The following METTL9 variants were observed in gnomAD, a reference collection of about 807,000 sequenced individuals.
The protein encoded by METTL9 is methyltransferase 9, His-X-His N1(pi)-histidine.
A neutral mutation model predicts 36.0 loss-of-function variants in METTL9; 10 were observed. That is an observed-to-expected ratio of 0.28 (90% CI 0.17 to 0.47). The LOEUF is 0.47. METTL9 is among the 20% of genes least tolerant of loss of function. The pLI is 0.99. For missense variants in METTL9, 246 were observed against 383.5 expected (o/e 0.64, Z 3.00); for synonymous variants, 175 against 149.7 (o/e 1.17, Z -1.23).
chr16:21,636,772 G>A (rs1051094098), intron 4 of METTL9, among the ~76,000 whole-genome samples: 4 of 152,140 alleles, frequency 2.6e-5, no homozygotes, highest in Admixed American at 1.3e-4. Context: ...TCTTTAGCCC[G>A]GTGGCTGCGC....
intron 3 of METTL9, among the ~76,000 whole-genome samples, chr16:21,621,232 T>TG (rs1468168531): frequency 6.6e-6 from 1 of 152,042 alleles, no homozygotes; most frequent in African/African-American, 2.4e-5. Context: ...AGGCCAGTCT[T>TG]GAACTCCTGG....
rs571692222 is a variant in METTL9 at position 21,621,149 on chromosome 16, A to T, written c.566+3075A>T. Among the ~76,000 whole-genome samples, 83 of 144,712 alleles carry T rather than the reference A, an allele frequency of 5.7e-4. 1 individual carries two copies. Among genetic ancestry groups the T allele is most frequent in the South Asian group, 5.1e-3 (23 of 4,480 alleles). The allele number at this position is 144,712 out of a possible 152,430, so 94.9% of individuals were successfully genotyped here. On this transcript the variant is annotated intron_variant, in intron 3 of 4. Transcript: ENST00000358154. ...CATATCTGGCTAATTTGAGAGAGAG[A>T]GTGTGTGTGTGTGTGTGTGTGTGTG...
chr16:21,629,913 G>T (rs1965907971), intron 4 of METTL9, among the ~76,000 whole-genome samples: 1 of 152,150 alleles, frequency 6.6e-6, no homozygotes, highest in Non-Finnish European at 1.5e-5. Flanking sequence ...GACACAGAGT[G>T]CTGATTGGTG....
intron 4 of METTL9, among the ~76,000 whole-genome samples, chr16:21,647,835 T>C (rs1362996321): frequency 6.6e-6 from 1 of 152,138 alleles, no homozygotes; most frequent in African/African-American, 2.4e-5. Flanking sequence ...CAAGCTTTCC[T>C]TCGATCCAAT....
chr16:21,652,577 T>C, intron 4 of METTL9: 1 of 1,610,726 alleles, frequency 6.2e-7, no homozygotes, highest in Non-Finnish European at 8.5e-7. Flanking sequence ...CGAGCGATGT[T>C]GCTTCTGCTC....
intron 1 of METTL9, chr16:21,611,985 T>C (rs888190409): frequency 2.0e-5 from 3 of 152,210 alleles, no homozygotes; most frequent in African/African-American, 7.2e-5. Flanking sequence ...AGTATGACCT[T>C]AAGTAACTTC....
At chr16:21,616,024 G>A (rs1965546753) in intron 2 of METTL9, among the ~76,000 whole-genome samples, 1 of 152,130 alleles carries the variant, frequency 6.6e-6, no homozygotes, top group Non-Finnish European at 1.5e-5. Context: ...ACTCTCCTAT[G>A]GCCTTAATGG....
chr16:21,619,732 G>A (rs1015134430), intron 3 of METTL9, among the ~76,000 whole-genome samples: 1 of 151,820 alleles, frequency 6.6e-6, no homozygotes, highest in Admixed American at 6.6e-5. Context: ...CACTGCACCC[G>A]GCTGGAAGAA....
intron 4 of METTL9, among the ~76,000 whole-genome samples, chr16:21,643,347 A>G (rs1008791842): frequency 1.3e-5 from 2 of 152,122 alleles, no homozygotes; most frequent in Non-Finnish European, 2.9e-5. Context: ...GAACTGTCCA[A>G]TTTAAGTCAC....
chr16:21,650,866 T>C (rs562149018), intron 4 of METTL9, among the ~76,000 whole-genome samples: 8 of 152,284 alleles, frequency 5.3e-5, no homozygotes, highest in Middle Eastern at 3.4e-3. Context: ...CAGTATCCAA[T>C]GAAAAGGTTG....
chr16:21,601,575 A>G (rs1375759071), intron 1 of METTL9, among the ~76,000 whole-genome samples: 2 of 152,220 alleles, frequency 1.3e-5, no homozygotes, highest in Non-Finnish European at 2.9e-5. Context: ...TGTGATGTGT[A>G]TGGAGGCGGA....
chr16:21,597,663 AAT>A (rs1325401556), upstream of METTL9, among the ~76,000 whole-genome samples: 1 of 152,152 alleles, frequency 6.6e-6, no homozygotes. Context: ...TCAGAAAGGA[AAT>A]ATGCCATTTT....
chr16:21,629,720 C>T (rs550228436), intron 4 of METTL9, among the ~76,000 whole-genome samples: 5 of 152,288 alleles, frequency 3.3e-5, no homozygotes, highest in African/African-American at 1.2e-4. Flanking sequence ...GCTTCCTCAG[C>T]ATGGATGGGG....
At chr16:21,643,192 G>A in intron 4 of METTL9, 1 of 1,463,272 alleles carries the variant, frequency 6.8e-7, no homozygotes, top group Non-Finnish European at 9.5e-7. Flanking sequence ...TCTCTTTTGG[G>A]AATATAAGCG....
intron 3 of METTL9, among the ~76,000 whole-genome samples, chr16:21,620,547 A>G (rs1434611405): frequency 6.6e-6 from 1 of 152,166 alleles, no homozygotes; most frequent in Non-Finnish European, 1.5e-5. Flanking sequence ...AAGTGCCTAA[A>G]TGGAATTTTC....
chr16:21,644,651 C>T (rs1197986498), intron 4 of METTL9, among the ~76,000 whole-genome samples: 1 of 152,152 alleles, frequency 6.6e-6, no homozygotes, highest in East Asian at 1.9e-4. Flanking sequence ...AACCATTTGT[C>T]ATATTGCTAA....
chr16:21,636,638 C>T (rs1354889969), intron 4 of METTL9, among the ~76,000 whole-genome samples: 1 of 152,186 alleles, frequency 6.6e-6, no homozygotes, highest in South Asian at 2.1e-4. Context: ...GCTTTCCTCT[C>T]TGTCGACCCT....
In METTL9 at chr16:21,619,765, T is replaced by C. The variant is rs548972271; in HGVS notation, c.566+1691T>C. On this transcript the variant is annotated intron_variant, in intron 3 of 4. Coordinates refer to ENST00000358154, the MANE Select transcript of METTL9 (RefSeq NM_016025.5). ...GAAGGGTATTCTTATTTCAGTATGA[T>C]TTATTGATTGGGAGATTTCTATATA... is the stretch of plus-strand genomic sequence containing the variant. 1.3e-4 allele frequency among the ~76,000 whole-genome samples: 20 copies of C among 152,150 alleles called. No individual in the cohort carries two copies. The South Asian group carries it at 4.0e-3, about 30-fold the overall frequency.
At chr16:21,606,864 T>C (rs1965302606) in intron 1 of METTL9, among the ~76,000 whole-genome samples, 1 of 152,170 alleles carries the variant, frequency 6.6e-6, no homozygotes, top group Non-Finnish European at 1.5e-5. Flanking sequence ...GCTTAAATCC[T>C]TTGTATTTTG....
Sources: gnomAD v4.1 joint callset for allele counts (sites outside exome capture counted in the v4.1 genomes callset) on GRCh38, gnomAD v4.1.1 for gene constraint, MANE v1.5 for transcripts, NCBI Gene and HGNC (gene_info 2026-07-23, HGNC 2026-07-21) for gene names.